The following KIAA1217 variants were observed in gnomAD, a reference collection of about 807,000 sequenced individuals.
KIAA1217 encodes KIAA1217, also known as sickle tail protein homolog.
Under a neutral mutation model 163.9 loss-of-function variants are expected in KIAA1217, and 88 were observed. The observed-to-expected ratio is 0.54, with a 90% CI of 0.45 to 0.64. KIAA1217 has a LOEUF of 0.64. KIAA1217 is among the 30% of genes least tolerant of loss of function. The probability of loss-of-function intolerance (pLI) is 0.00; values close to 1 mark genes in which losing one functional copy is unlikely to be tolerated. For missense variants in KIAA1217, 2,372 were observed against 2,475.0 expected (o/e 0.96, Z 0.88); for synonymous variants, 903 against 923.1 (o/e 0.98, Z 0.39).
chr10:24,047,728 C>G (rs1336559184), intron 2 of KIAA1217, among the ~76,000 whole-genome samples: 1 of 152,094 alleles, frequency 6.6e-6, no homozygotes, highest in Non-Finnish European at 1.5e-5. Context: ...CCTTTAGATA[C>G]CTGGAGCTCA....
intron 1 of KIAA1217, among the ~76,000 whole-genome samples, chr10:23,790,588 CAT>C (rs200213385): frequency 8.5e-6 from 1 of 118,046 alleles, no homozygotes; most frequent in Non-Finnish European, 1.7e-5. Context: ...TGTATATGTA[CAT>C]ATATACATGT....
At chr10:23,969,935 AAG>A (rs1443497523) in intron 1 of KIAA1217, among the ~76,000 whole-genome samples, 4 of 152,186 alleles carry the variant, frequency 2.6e-5, no homozygotes, top group African/African-American at 4.8e-5. Flanking sequence ...GGTAGCAGGC[AAG>A]AGAGAGAATG....
chr10:24,117,107 G>A (rs1052660733), intron 2 of KIAA1217, among the ~76,000 whole-genome samples: 1 of 151,660 alleles, frequency 6.6e-6, no homozygotes, highest in Non-Finnish European at 1.5e-5. Context: ...GCTCAATCTC[G>A]GCTCACCGCA....
chr10:24,366,881 C>T (rs923447151), intron 2 of KIAA1217, among the ~76,000 whole-genome samples: 8 of 152,152 alleles, frequency 5.3e-5, no homozygotes, highest in Non-Finnish European at 8.8e-5. Context: ...AATTCAGAAG[C>T]GCCTATGGCA....
chr10:23,906,871 G>T (rs1235488449), intron 1 of KIAA1217, among the ~76,000 whole-genome samples: 3 of 152,038 alleles, frequency 2.0e-5, no homozygotes, highest in Admixed American at 6.6e-5. Context: ...ACCATGACTG[G>T]GTTCCCTTAC....
rs151315968 is a variant in KIAA1217 at position 23,827,468 on chromosome 10, GT to G, written c.-321+132237del. On this transcript the variant is annotated intron_variant, in intron 1 of 18. Transcript: ENST00000376462. The stretch of plus-strand genomic sequence containing the variant: ...TGTAATTAGTATATACTCAATAAAC[GT>G]TTGTTTGTGGATAGATGAATACCCA... Among the ~76,000 whole-genome samples the G allele has an allele frequency of 7.0e-3, 1,073 of 152,230 alleles. 19 individuals carry two copies. The highest frequency in any genetic ancestry group is 0.025 in the African/African-American group (1,029 of 41,522).
chr10:23,779,125 T>C (rs1030517852), intron 1 of KIAA1217, among the ~76,000 whole-genome samples: 3 of 152,190 alleles, frequency 2.0e-5, no homozygotes, highest in Admixed American at 2.0e-4. Context: ...ACCAGAAAGA[T>C]ATGATGAGTA....
At chr10:24,272,501 G>A (rs183491772) in intron 2 of KIAA1217, among the ~76,000 whole-genome samples, 71 of 152,280 alleles carry the variant, frequency 4.7e-4, no homozygotes, top group African/African-American at 1.7e-3. Context: ...ACTCTAGGGA[G>A]CTCTGCATTC....
intron 2 of KIAA1217, among the ~76,000 whole-genome samples, chr10:24,279,246 T>TTG (rs1564394786): frequency 7.6e-6 from 1 of 130,972 alleles, no homozygotes; most frequent in Non-Finnish European, 1.6e-5. Context: ...TGTTTTTTTT[T>TTG]TTGTTGGTGG....
At position 24,130,122 on chromosome 10, in the gene KIAA1217, C is replaced by G. The variant is rs115237406; in HGVS notation, c.-170-89504C>G. Among the ~76,000 whole-genome samples, 573 of 152,244 alleles carry G rather than the reference C, an allele frequency of 3.8e-3. 4 individuals carry two copies. Among genetic ancestry groups the G allele is most frequent in the East Asian group, 0.012 (63 of 5,184 alleles). On this transcript the variant is annotated intron_variant, in intron 2 of 18. Coordinates refer to the KIAA1217 transcript ENST00000376462. Reference sequence around the variant, plus strand: ...TCCTCCTTCAGTGTACAAGTTATAACTCAACCTTTCAATGAAAACTTCCTA... The same window carrying G: ...TCCTCCTTCAGTGTACAAGTTATAAGTCAACCTTTCAATGAAAACTTCCTA...
intron 3 of KIAA1217, among the ~76,000 whole-genome samples, chr10:24,427,253 T>C (rs1052216866): frequency 1.1e-4 from 16 of 151,682 alleles, no homozygotes; most frequent in African/African-American, 3.9e-4. Flanking sequence ...AACCCTGTGA[T>C]GGCATTCCCT....
At chr10:24,506,397 T>C (rs7909311) in intron 9 of KIAA1217, among the ~76,000 whole-genome samples, 1 of 152,206 alleles carries the variant, frequency 6.6e-6, no homozygotes, top group Non-Finnish European at 1.5e-5. Context: ...ATTTTCAGGT[T>C]GGGGGAATTA....
chr10:23,745,549 C>T (rs981858895), intron 1 of KIAA1217, among the ~76,000 whole-genome samples: 1 of 152,208 alleles, frequency 6.6e-6, no homozygotes. Flanking sequence ...TGCTGAGAAG[C>T]TCTCACCCAA....
At chr10:24,471,595 T>C (rs1011838747) in intron 5 of KIAA1217, among the ~76,000 whole-genome samples, 2 of 149,704 alleles carry the variant, frequency 1.3e-5, no homozygotes, top group African/African-American at 4.9e-5. Flanking sequence ...AAAAAATCAG[T>C]GTAGAGGCCA....
intron 1 of KIAA1217, among the ~76,000 whole-genome samples, chr10:23,906,885 C>G (rs1353864537): frequency 6.6e-6 from 1 of 152,074 alleles, no homozygotes; most frequent in African/African-American, 2.4e-5. Context: ...CCCTTACATT[C>G]TATACATACC....
chr10:24,233,619 T>C (rs2071759252), intron 2 of KIAA1217, among the ~76,000 whole-genome samples: 1 of 152,230 alleles, frequency 6.6e-6, no homozygotes, highest in South Asian at 2.1e-4. Context: ...TTGTTAGATG[T>C]GATCAGAGAG....
intron 1 of KIAA1217, among the ~76,000 whole-genome samples, chr10:23,930,211 C>A (rs1202121501): frequency 1.3e-5 from 2 of 151,876 alleles, no homozygotes; most frequent in East Asian, 3.9e-4. Context: ...TTGTTCATAT[C>A]CTTCACCCAC....
At chr10:24,092,299 C>A (rs1404286972) in intron 2 of KIAA1217, among the ~76,000 whole-genome samples, 1 of 151,670 alleles carries the variant, frequency 6.6e-6, no homozygotes, top group African/African-American at 2.4e-5. Context: ...TTCTTCTTAA[C>A]CCTCTCCACT....
At chr10:24,123,207 G>A (rs973964314) in intron 2 of KIAA1217, among the ~76,000 whole-genome samples, 31 of 151,330 alleles carry the variant, frequency 2.0e-4, no homozygotes, top group African/African-American at 6.1e-4. Context: ...ATCTATTTGT[G>A]GTTATACTAC....
Sources: gnomAD v4.1 joint callset for allele counts (sites outside exome capture counted in the v4.1 genomes callset) on GRCh38, gnomAD v4.1.1 for gene constraint, MANE v1.5 for transcripts, NCBI Gene and HGNC (gene_info 2026-07-23, HGNC 2026-07-21) for gene names.